Variants in ZBTB20 observed in about 807,000 individuals in gnomAD.
The protein encoded by ZBTB20 is zinc finger and BTB domain-containing protein 20.
ZBTB20 carries 9 observed loss-of-function variants against 56.9 expected under a neutral mutation model. The ratio of observed to expected loss-of-function variants is 0.16; its 90% CI spans 0.10 to 0.28. The LOEUF (loss-of-function observed/expected upper bound fraction) is 0.28, where lower values mean the gene tolerates loss of function less well. Among genes scored for constraint, ZBTB20 ranks in the 10% least tolerant of loss-of-function variants. ZBTB20 has a pLI of 1.00. For missense variants in ZBTB20, 655 were observed against 1,003.0 expected (o/e 0.65, Z 4.69); for synonymous variants, 417 against 420.7 (o/e 0.99, Z 0.11).
At chr3:115,046,793 G>A (rs938971902) in intron 2 of ZBTB20, among the ~76,000 whole-genome samples, 7 of 151,952 alleles carry the variant, frequency 4.6e-5, no homozygotes, top group East Asian at 3.9e-4. Context: ...TGACACTTTC[G>A]CAGTCAACAT....
intron 1 of ZBTB20, among the ~76,000 whole-genome samples, chr3:115,146,001 T>C (rs1177804359): frequency 2.0e-5 from 3 of 152,194 alleles, no homozygotes; most frequent in Admixed American, 1.3e-4. Flanking sequence ...ACCCTTTTGG[T>C]ATTTTTAATA....
At chr3:114,477,542 C>T (rs1462679825) in intron 7 of ZBTB20, among the ~76,000 whole-genome samples, 3 of 140,292 alleles carry the variant, frequency 2.1e-5, no homozygotes, top group African/African-American at 8.2e-5. Flanking sequence ...GTTGCCCAGG[C>T]TGGAGTTCAA....
chr3:114,380,016 G>C (rs1180311995), intron 10 of ZBTB20, among the ~76,000 whole-genome samples: 1 of 152,156 alleles, frequency 6.6e-6, no homozygotes, highest in Non-Finnish European at 1.5e-5. Context: ...AGGCCAAATG[G>C]CATGTCACCT....
chr3:114,597,126 A>G (rs2107603886), intron 6 of ZBTB20, among the ~76,000 whole-genome samples: 1 of 152,284 alleles, frequency 6.6e-6, no homozygotes, highest in East Asian at 1.9e-4. Context: ...AAAGGTGAAA[A>G]GTCAAGGTGT....
chr3:114,404,181 TTC>T (rs2087080050), intron 7 of ZBTB20, among the ~76,000 whole-genome samples: 2 of 152,184 alleles, frequency 1.3e-5, no homozygotes, highest in Admixed American at 6.6e-5. Flanking sequence ...AATCCTTCCT[TTC>T]TTTGTATATC....
At chr3:114,679,129 A>C (rs1199723843) in intron 6 of ZBTB20, among the ~76,000 whole-genome samples, 3 of 152,216 alleles carry the variant, frequency 2.0e-5, no homozygotes, top group Non-Finnish European at 4.4e-5. Flanking sequence ...TACAAAAATT[A>C]ATTCAAGATG....
intron 6 of ZBTB20, among the ~76,000 whole-genome samples, chr3:114,591,631 TATGGAATTCTCTATACAAGTG>T (rs1225094977): frequency 6.6e-6 from 1 of 152,196 alleles, no homozygotes; most frequent in African/African-American, 2.4e-5. Flanking sequence ...AATACAGCTA[TATGGAATTCTCTATACAAGTG>T]ATGAAGAAGT....
At chr3:114,508,919 CG>C (rs1643406950) in intron 6 of ZBTB20, among the ~76,000 whole-genome samples, 1 of 152,056 alleles carries the variant, frequency 6.6e-6, no homozygotes, top group South Asian at 2.1e-4. Flanking sequence ...TCAAAAGAAA[CG>C]TTTTGTTTAG....
At chr3:114,441,319 T>C (rs1359952066) in intron 7 of ZBTB20, among the ~76,000 whole-genome samples, 1 of 152,188 alleles carries the variant, frequency 6.6e-6, no homozygotes, top group African/African-American at 2.4e-5. Context: ...AAATTAGTTA[T>C]TCATGCTGTT....
Position 114,333,646 on chromosome 3 carries a change from T to C in ZBTB20, c.*5359A>G, listed in dbSNP as rs964082860. The C allele has an allele frequency of 2.0e-5, 3 of 152,226 alleles. No individual in the cohort carries two copies. The highest frequency in any genetic ancestry group is 7.2e-5 in the African/African-American group (3 of 41,462). 9.4% of individuals were successfully genotyped at this position (152,226 alleles called of 1,614,324 possible). A position where few individuals can be genotyped will look rare whatever the true frequency, so the allele number is the denominator to read the frequency against. On this transcript the variant is annotated 3_prime_UTR_variant, in exon 12 of 12. Transcript: ENST00000675478. ...TGTTTGTCACCAAGTCACATGGTTC[T>C]GTCTTCAGTATCCTATTTTTCTTTT... is the stretch of plus-strand genomic sequence containing the variant.
At chr3:114,886,590 T>C (rs964761430) in intron 4 of ZBTB20, among the ~76,000 whole-genome samples, 7 of 152,222 alleles carry the variant, frequency 4.6e-5, no homozygotes, top group Admixed American at 1.3e-4. Context: ...ATTTGGCATC[T>C]CAACACACAT....
intron 6 of ZBTB20, among the ~76,000 whole-genome samples, chr3:114,585,080 C>G (rs375059950): frequency 6.6e-6 from 1 of 151,934 alleles, no homozygotes; most frequent in Non-Finnish European, 1.5e-5. Context: ...AGGCTGGGAC[C>G]CTCTGGACTA....
intron 2 of ZBTB20, among the ~76,000 whole-genome samples, chr3:115,012,470 AAAG>A (rs2079763305): frequency 6.6e-6 from 1 of 151,842 alleles, no homozygotes. Context: ...AAGAAGAGAC[AAAG>A]AAGGTCACCA....
chr3:114,585,569 T>C (rs2055095764), intron 6 of ZBTB20, among the ~76,000 whole-genome samples: 1 of 152,226 alleles, frequency 6.6e-6, no homozygotes, highest in Non-Finnish European at 1.5e-5. Context: ...AACCGTCTAA[T>C]GTATTCACAT....
chr3:115,142,765 G>A (rs113165221), intron 1 of ZBTB20, among the ~76,000 whole-genome samples: 14 of 151,846 alleles, frequency 9.2e-5, no homozygotes, highest in African/African-American at 2.2e-4. Context: ...TGGCAAGTCC[G>A]TATACAAATA....
chr3:114,420,727 C>A (rs992992662), intron 7 of ZBTB20, among the ~76,000 whole-genome samples: 7 of 152,120 alleles, frequency 4.6e-5, no homozygotes, highest in African/African-American at 1.7e-4. Flanking sequence ...AAGTAAAATG[C>A]CTTCTATTCC....
intron 2 of ZBTB20, among the ~76,000 whole-genome samples, chr3:115,039,489 A>C (rs2081058323): frequency 6.6e-6 from 1 of 152,012 alleles, no homozygotes; most frequent in South Asian, 2.1e-4. Context: ...TTGCTCACAG[A>C]TGACGTGTTG....
At chr3:114,530,924 A>G (rs1422357225) in intron 6 of ZBTB20, among the ~76,000 whole-genome samples, 4 of 151,632 alleles carry the variant, frequency 2.6e-5, no homozygotes, top group African/African-American at 7.3e-5. Flanking sequence ...TTTCTCATCT[A>G]TTCTTTAAGT....
chr3:114,680,838 G>T (rs146428747), intron 6 of ZBTB20, among the ~76,000 whole-genome samples: 2 of 152,108 alleles, frequency 1.3e-5, no homozygotes, highest in East Asian at 3.9e-4. Context: ...AGAAAGCCAA[G>T]AAATATACCA....
Sources: allele counts gnomAD v4.1 joint callset (sites outside exome capture counted in the v4.1 genomes callset), GRCh38; gene constraint gnomAD v4.1.1; transcripts MANE v1.5; gene names NCBI Gene and HGNC (gene_info 2026-07-23, HGNC 2026-07-21).